The following RPS6KC1 variants were observed in gnomAD, a reference collection of about 807,000 sequenced individuals.
RPS6KC1 encodes the protein ribosomal protein S6 kinase C1, also known as inactive ribosomal protein S6 kinase delta-1.
Under a neutral mutation model 103.8 loss-of-function variants are expected in RPS6KC1, and 54 were observed. That is an observed-to-expected ratio of 0.52 (90% CI 0.42 to 0.65). The LOEUF (loss-of-function observed/expected upper bound fraction) is 0.65. RPS6KC1 is among the 30% of genes least tolerant of loss of function. RPS6KC1 has a pLI of 0.00. For synonymous variants in RPS6KC1, 439 were observed against 438.7 expected, an observed-to-expected ratio of 1.00 and a Z score of -0.01; for missense variants, 1,151 against 1,253.8, an observed-to-expected ratio of 0.92 and a Z score of 1.24.
At chr1:213,861,180 T>C in the RPS6KC1 span, among the ~76,000 whole-genome samples, 1 of 152,154 alleles carries the variant, frequency 6.6e-6, no homozygotes, top group Non-Finnish European at 1.5e-5. Flanking sequence ...TGACTTGATC[T>C]TAGATGAGTT....
At chr1:213,820,411 C>T in the RPS6KC1 span, 1 of 152,226 alleles carries the variant, frequency 6.6e-6, no homozygotes, top group Admixed American at 6.5e-5. Flanking sequence ...GACTTACAGA[C>T]TGTCAGTGGT....
At chr1:213,471,600 T>C in the RPS6KC1 span, among the ~76,000 whole-genome samples, 2 of 152,188 alleles carry the variant, frequency 1.3e-5, no homozygotes, top group African/African-American at 4.8e-5. Flanking sequence ...TGTTTCCCTT[T>C]TCTAAACATA....
chr1:213,727,361 A>G, the RPS6KC1 span, among the ~76,000 whole-genome samples: 1 of 152,182 alleles, frequency 6.6e-6, no homozygotes, highest in African/African-American at 2.4e-5. Context: ...GGAAGTCAAG[A>G]ATGTGGAAGT....
At chr1:213,090,631 C>G (rs1168453521) in intron 3 of RPS6KC1, among the ~76,000 whole-genome samples, 1 of 152,104 alleles carries the variant, frequency 6.6e-6, no homozygotes, top group Non-Finnish European at 1.5e-5. Context: ...ATTAATTTTT[C>G]TACACATCTA....
the RPS6KC1 span, among the ~76,000 whole-genome samples, chr1:213,469,677 C>T: frequency 6.7e-6 from 1 of 148,272 alleles, no homozygotes; most frequent in African/African-American, 2.4e-5. Flanking sequence ...CAGTAAGTGT[C>T]TAAGTGTGCA....
At chr1:213,460,842 T>G in the RPS6KC1 span, among the ~76,000 whole-genome samples, 3 of 152,190 alleles carry the variant, frequency 2.0e-5, no homozygotes, top group Admixed American at 2.0e-4. Context: ...TCTCTTTTGC[T>G]TATGAAGCTT....
the RPS6KC1 span, among the ~76,000 whole-genome samples, chr1:213,732,814 A>G: frequency 6.6e-6 from 1 of 152,088 alleles, no homozygotes; most frequent in Admixed American, 6.6e-5. Context: ...CCCCTCCCCA[A>G]TCTCAGCCCC....
the RPS6KC1 span, among the ~76,000 whole-genome samples, chr1:213,690,072 C>A: frequency 6.6e-6 from 1 of 152,182 alleles, no homozygotes; most frequent in African/African-American, 2.4e-5. Flanking sequence ...CACAAGCTGG[C>A]TTTTGTGCTC....
At chr1:213,368,058 G>T in the RPS6KC1 span, among the ~76,000 whole-genome samples, 5 of 152,208 alleles carry the variant, frequency 3.3e-5, no homozygotes, top group African/African-American at 1.2e-4. Flanking sequence ...CCGGAGACCT[G>T]GTTGGGGAGT....
intron 5 of RPS6KC1, among the ~76,000 whole-genome samples, chr1:213,124,599 A>G (rs2084765599): frequency 6.6e-6 from 1 of 152,204 alleles, no homozygotes; most frequent in Non-Finnish European, 1.5e-5. Context: ...TGTTAAGTAT[A>G]TAATATAAAT....
chr1:213,074,046 A>C (rs1386723659), intron 2 of RPS6KC1, among the ~76,000 whole-genome samples: 6 of 152,232 alleles, frequency 3.9e-5, no homozygotes. Context: ...TAAAATCCAT[A>C]AGCAAATAGT....
the RPS6KC1 span, among the ~76,000 whole-genome samples, chr1:213,462,803 T>C: frequency 7.2e-4 from 109 of 152,174 alleles, no homozygotes; most frequent in Non-Finnish European, 1.3e-3. Flanking sequence ...CTAATGTAGA[T>C]GACAGGTTGA....
chr1:213,384,173 G>A, the RPS6KC1 span, among the ~76,000 whole-genome samples: 3 of 152,064 alleles, frequency 2.0e-5, no homozygotes, highest in Admixed American at 1.3e-4. Context: ...CTACTAGGGA[G>A]GCTGAGGCAG....
the RPS6KC1 span, among the ~76,000 whole-genome samples, chr1:213,645,479 G>A: frequency 3.3e-5 from 5 of 152,070 alleles, no homozygotes; most frequent in Non-Finnish European, 5.9e-5. Flanking sequence ...AAAGGTGTCC[G>A]AGCCAAACAG....
chr1:213,810,319 C>T, the RPS6KC1 span, among the ~76,000 whole-genome samples: 3 of 152,150 alleles, frequency 2.0e-5, no homozygotes, highest in African/African-American at 4.8e-5. Flanking sequence ...CTGGGAACAT[C>T]AGGAACAGGT....
chr1:213,561,112 G>A, the RPS6KC1 span, among the ~76,000 whole-genome samples: 1 of 152,088 alleles, frequency 6.6e-6, no homozygotes, highest in African/African-American at 2.4e-5. Context: ...CTCAGAGCAG[G>A]GTCTGGTCAC....
chr1:213,232,523 T>C (rs1008057300), intron 10 of RPS6KC1, among the ~76,000 whole-genome samples: 1 of 152,226 alleles, frequency 6.6e-6, no homozygotes, highest in Non-Finnish European at 1.5e-5. Flanking sequence ...ATGAGAACTT[T>C]AATATGAATG....
chr1:213,591,178 C>G, the RPS6KC1 span, among the ~76,000 whole-genome samples: 1 of 152,130 alleles, frequency 6.6e-6, no homozygotes, highest in East Asian at 1.9e-4. Flanking sequence ...GAGAAAGAAC[C>G]GAGAGATGCC....
chr1:213,078,979 A>G (rs983176116), intron 3 of RPS6KC1, among the ~76,000 whole-genome samples: 8 of 152,170 alleles, frequency 5.3e-5, no homozygotes, highest in African/African-American at 1.9e-4. Context: ...TAATATGTAT[A>G]TGCCTTTTTA....
Sources: gnomAD v4.1 joint callset for allele counts (sites outside exome capture counted in the v4.1 genomes callset) on GRCh38, gnomAD v4.1.1 for gene constraint, MANE v1.5 for transcripts, NCBI Gene and HGNC (gene_info 2026-07-23, HGNC 2026-07-21) for gene names.